RALGPS2: variants seen among roughly 807,000 people sequenced by gnomAD.
The protein encoded by RALGPS2 is ras-specific guanine nucleotide-releasing factor RalGPS2.
In RALGPS2, 43 loss-of-function variants were observed where a neutral mutation model predicts 86.8. That is an observed-to-expected ratio of 0.50 (90% CI 0.39 to 0.64). The LOEUF is 0.64. Among genes scored for constraint, RALGPS2 ranks in the 30% least tolerant of loss-of-function variants. The pLI, the probability that RALGPS2 is intolerant of heterozygous loss-of-function variation, is 0.00. For missense variants in RALGPS2, 536 were observed against 694.6 expected, an observed-to-expected ratio of 0.77 and a Z score of 2.57; for synonymous variants, 243 against 231.3, an observed-to-expected ratio of 1.05 and a Z score of -0.46.
chr1:178,874,908 T>C (rs1658933557), intron 8 of RALGPS2, among the ~76,000 whole-genome samples: 1 of 152,136 alleles, frequency 6.6e-6, no homozygotes, highest in African/African-American at 2.4e-5. Context: ...GAGCCACCGT[T>C]CCCGGCAATA....
At chr1:178,802,579 CAG>C (rs1558126176) in intron 4 of RALGPS2, among the ~76,000 whole-genome samples, 1 of 152,134 alleles carries the variant, frequency 6.6e-6, no homozygotes, top group Non-Finnish European at 1.5e-5. Flanking sequence ...AGTGTCATCA[CAG>C]GGTGTTTTAA....
intron 6 of RALGPS2, among the ~76,000 whole-genome samples, chr1:178,820,966 G>A (rs899041162): frequency 6.6e-6 from 1 of 152,176 alleles, no homozygotes; most frequent in Non-Finnish European, 1.5e-5. Flanking sequence ...GCATCAGGCA[G>A]TATTTAAAAA....
At chr1:178,871,207 G>A (rs1658736929) in intron 8 of RALGPS2, among the ~76,000 whole-genome samples, 1 of 151,952 alleles carries the variant, frequency 6.6e-6, no homozygotes, top group Non-Finnish European at 1.5e-5. Context: ...TAAATAGGGG[G>A]GTGGGATCAG....
chr1:178,739,275 C>CT (rs1650891998), intron 1 of RALGPS2, among the ~76,000 whole-genome samples: 1 of 152,122 alleles, frequency 6.6e-6, no homozygotes, highest in Non-Finnish European at 1.5e-5. Context: ...TAAATGTTTT[C>CT]TTGTAAGCAC....
intron 4 of RALGPS2, among the ~76,000 whole-genome samples, chr1:178,800,670 G>C (rs1654426241): frequency 6.6e-6 from 1 of 152,140 alleles, no homozygotes; most frequent in Non-Finnish European, 1.5e-5. Flanking sequence ...TAGTGGTTTT[G>C]GGGGAGTCAA....
intron 18 of RALGPS2, among the ~76,000 whole-genome samples, chr1:178,902,796 C>G (rs1440954599): frequency 6.6e-6 from 1 of 151,996 alleles, no homozygotes; most frequent in Non-Finnish European, 1.5e-5. Context: ...TATTTAAGAA[C>G]AAAATTATTT....
intron 1 of RALGPS2, among the ~76,000 whole-genome samples, chr1:178,762,660 G>C (rs1384684209): frequency 6.6e-6 from 1 of 152,152 alleles, no homozygotes; most frequent in Non-Finnish European, 1.5e-5. Flanking sequence ...CTTTTGAGAA[G>C]TATCTGTTCA....
intron 2 of RALGPS2, among the ~76,000 whole-genome samples, chr1:178,782,547 CA>C (rs2102122903): frequency 6.6e-6 from 1 of 152,048 alleles, no homozygotes; most frequent in East Asian, 1.9e-4. Flanking sequence ...TAAGCAGAGC[CA>C]GGGGGACAGA....
At chr1:178,767,358 CTTTTTTTTTTT>C (rs1159630163) in intron 1 of RALGPS2, among the ~76,000 whole-genome samples, 1 of 70,432 alleles carries the variant, frequency 1.4e-5, no homozygotes, top group Non-Finnish European at 2.5e-5. Flanking sequence ...TGTCCTTTGG[CTTTTTTTTTTT>C]TTTTTTTTTT....
intron 8 of RALGPS2, chr1:178,853,330 A>G (rs1255969625): frequency 3.2e-6 from 2 of 629,450 alleles, no homozygotes; most frequent in Non-Finnish European, 4.0e-6. Context: ...TTTTCCTAAT[A>G]GTAATCTTTG....
chr1:178,860,410 A>C (rs1012300172), intron 8 of RALGPS2, among the ~76,000 whole-genome samples: 1 of 152,210 alleles, frequency 6.6e-6, no homozygotes, highest in African/African-American at 2.4e-5. Flanking sequence ...ATTTTTAAAG[A>C]AAATAAAAGA....
intron 19 of RALGPS2, among the ~76,000 whole-genome samples, chr1:178,909,643 A>ATTTTTT (rs57890269): frequency 2.9e-4 from 21 of 72,358 alleles, no homozygotes; most frequent in South Asian, 4.7e-4. Flanking sequence ...TTCTTTTTTA[A>ATTTTTT]TTTTTTTTTT....
intron 1 of RALGPS2, among the ~76,000 whole-genome samples, chr1:178,744,956 G>A (rs2102029638): frequency 6.6e-6 from 1 of 152,234 alleles, no homozygotes; most frequent in East Asian, 1.9e-4. Context: ...AGTGAATTTA[G>A]TAAAGTTGTG....
chr1:178,888,218 A>G (rs973985452), intron 13 of RALGPS2, among the ~76,000 whole-genome samples: 1 of 152,210 alleles, frequency 6.6e-6, no homozygotes, highest in Non-Finnish European at 1.5e-5. Context: ...TTTGTAAACT[A>G]AGAACATTAC....
intron 2 of RALGPS2, among the ~76,000 whole-genome samples, chr1:178,778,994 A>G (rs961746123): frequency 6.6e-6 from 1 of 152,238 alleles, no homozygotes; most frequent in African/African-American, 2.4e-5. Context: ...AAAGAAACAT[A>G]GAATTTCTTT....
intron 6 of RALGPS2, among the ~76,000 whole-genome samples, chr1:178,819,577 A>G (rs1655399293): frequency 6.6e-6 from 1 of 152,156 alleles, no homozygotes. Flanking sequence ...AATGTCCTCC[A>G]AGGGATTGCC....
At chr1:178,858,925 T>C (rs1657770362) in intron 8 of RALGPS2, among the ~76,000 whole-genome samples, 1 of 152,152 alleles carries the variant, frequency 6.6e-6, no homozygotes, top group African/African-American at 2.4e-5. Flanking sequence ...GTAAACCAAT[T>C]CAGAGCTTTC....
At chr1:178,827,660 G>C (rs976488105) in intron 7 of RALGPS2, among the ~76,000 whole-genome samples, 1 of 152,108 alleles carries the variant, frequency 6.6e-6, no homozygotes, top group Non-Finnish European at 1.5e-5. Flanking sequence ...CTCCCAAAGT[G>C]CTGGGATTAC....
rs1659975634 is a variant in RALGPS2, at chr1:178,896,960, C to G, written c.1432-704C>G. Among the ~76,000 whole-genome samples, 3 of 151,482 alleles carry G rather than the reference C, an allele frequency of 2.0e-5. No homozygotes were observed. The South Asian group carries it at 6.2e-4, about 32-fold the overall frequency. ...TCTTTATAGCAGCATGATTTATAGT[C>G]CTTTGTGTATATACCCAGTAATGGG... On this transcript the variant is annotated intron_variant, in intron 16 of 19. Coordinates refer to ENST00000367635, the MANE Select transcript of RALGPS2 (RefSeq NM_152663.5).
Sources: gnomAD v4.1 joint callset for allele counts (sites outside exome capture counted in the v4.1 genomes callset) on GRCh38, gnomAD v4.1.1 for gene constraint, MANE v1.5 for transcripts, NCBI Gene and HGNC (gene_info 2026-07-23, HGNC 2026-07-21) for gene names.